EPB41L4B: variants seen among roughly 807,000 people sequenced by gnomAD.
The protein encoded by EPB41L4B is erythrocyte membrane protein band 4.1 like 4B.
Under a neutral mutation model 112.5 loss-of-function variants are expected in EPB41L4B, and 30 were observed. That is an observed-to-expected ratio of 0.27 (90% CI 0.20 to 0.36). The LOEUF (loss-of-function observed/expected upper bound fraction) is 0.36, where lower values mean the gene tolerates loss of function less well. Ranked by LOEUF, EPB41L4B falls within the 10% of genes least tolerant of loss-of-function variation. EPB41L4B has a pLI of 1.00. For synonymous variants in EPB41L4B, 408 were observed against 439.7 expected (o/e 0.93, Z 0.90); for missense variants, 1,024 against 1,133.3 (o/e 0.90, Z 1.38).
chr9:109,241,176 T>C (rs914266849), intron 15 of EPB41L4B: 6 of 985,678 alleles, frequency 6.1e-6, no homozygotes, highest in Middle Eastern at 5.2e-4. Flanking sequence ...GGAAAGGACC[T>C]TGGAGATCAC....
In EPB41L4B at chr9:109,320,129, C is replaced by T; in HGVS notation, c.306+12G>A. On this transcript the variant is annotated intron_variant, in intron 1 of 25. Coordinates refer to ENST00000374566, the MANE Select transcript of EPB41L4B (RefSeq NM_019114.5). ...CGAGGTGCCAGTGCCCCAGACTGGC[C>T]CCGTCACTCACCGGCAGGTCCACGC... The T allele has an allele frequency of 1.4e-6, 2 of 1,447,154 alleles. No individual in the cohort carries two copies. Among genetic ancestry groups the T allele is most frequent in the Non-Finnish European group, 9.1e-7 (1 of 1,095,996 alleles). 89.6% of individuals were successfully genotyped at this position (1,447,154 alleles called of 1,614,324 possible).
chr9:109,248,768 T>C (rs1381474267), intron 13 of EPB41L4B, among the ~76,000 whole-genome samples: 1 of 151,982 alleles, frequency 6.6e-6, no homozygotes, highest in African/African-American at 2.4e-5. Context: ...ATGCTAAATA[T>C]ATATATATAG....
chr9:109,181,967 G>A (rs1832075454), intron 24 of EPB41L4B, among the ~76,000 whole-genome samples: 1 of 152,242 alleles, frequency 6.6e-6, no homozygotes, highest in Admixed American at 6.5e-5. Flanking sequence ...CCAACACTTT[G>A]GGAGGCTGAG....
At chr9:109,235,143 C>T (rs1048251014) in intron 15 of EPB41L4B, among the ~76,000 whole-genome samples, 1 of 152,102 alleles carries the variant, frequency 6.6e-6, no homozygotes, top group African/African-American at 2.4e-5. Flanking sequence ...CCACATTCTG[C>T]CTGGACAGTT....
At chr9:109,296,451 A>T (rs1836732111) in intron 1 of EPB41L4B, among the ~76,000 whole-genome samples, 2 of 152,242 alleles carry the variant, frequency 1.3e-5, no homozygotes, top group South Asian at 4.1e-4. Context: ...TTTGATGTCC[A>T]GTAAATTTCT....
intron 18 of EPB41L4B, among the ~76,000 whole-genome samples, chr9:109,205,139 T>C (rs1269836952): frequency 1.3e-5 from 2 of 152,222 alleles, no homozygotes; most frequent in African/African-American, 4.8e-5. Flanking sequence ...ACTGGGACTG[T>C]CCCATGGGAT....
At chr9:109,263,876 T>C (rs1256941297) in intron 5 of EPB41L4B, among the ~76,000 whole-genome samples, 1 of 152,244 alleles carries the variant, frequency 6.6e-6, no homozygotes, top group Non-Finnish European at 1.5e-5. Context: ...TGTTGGGACT[T>C]GAACACCATT....
intron 1 of EPB41L4B, chr9:109,307,378 G>C (rs984975870): frequency 1.9e-5 from 7 of 365,030 alleles, no homozygotes; most frequent in Non-Finnish European, 3.7e-5. Flanking sequence ...TAAATTTCCT[G>C]CTCTCCCATT....
At chr9:109,213,851 A>G (rs1369518680) in intron 16 of EPB41L4B, 33 bp from the exon 17 acceptor site, 1 of 1,589,028 alleles carries the variant, frequency 6.3e-7, no homozygotes, top group Non-Finnish European at 8.6e-7. Context: ...AAATAAGGAA[A>G]GGTTGAAAGG....
chr9:109,275,634 T>C (rs780183120), intron 2 of EPB41L4B, among the ~76,000 whole-genome samples: 1 of 152,170 alleles, frequency 6.6e-6, no homozygotes, highest in Non-Finnish European at 1.5e-5. Context: ...AGGAGACCCA[T>C]ATCCACGTCC....
chr9:109,302,725 T>A (rs547446614), intron 1 of EPB41L4B, among the ~76,000 whole-genome samples: 1 of 152,140 alleles, frequency 6.6e-6, no homozygotes, highest in Admixed American at 6.5e-5. Context: ...TTCGGTCCTA[T>A]GACGAGTCAT....
At chr9:109,270,780 T>C (rs1325940420) in intron 2 of EPB41L4B, among the ~76,000 whole-genome samples, 1 of 152,210 alleles carries the variant, frequency 6.6e-6, no homozygotes, top group Non-Finnish European at 1.5e-5. Flanking sequence ...CAAAGTCTCA[T>C]CTTTAGCCAA....
At chr9:109,217,247 T>G in intron 15 of EPB41L4B, 102 bp from the exon 16 acceptor site, 1 of 972,710 alleles carries the variant, frequency 1.0e-6, no homozygotes, top group Non-Finnish European at 1.6e-6. Context: ...CTGAAAGAAA[T>G]AAACTCAAAA....
intron 12 of EPB41L4B, among the ~76,000 whole-genome samples, chr9:109,252,363 T>C (rs1300696558): frequency 6.6e-6 from 1 of 152,166 alleles, no homozygotes; most frequent in Non-Finnish European, 1.5e-5. Flanking sequence ...TTCTGGCCCC[T>C]TCCTCCCGGG....
intron 16 of EPB41L4B, among the ~76,000 whole-genome samples, chr9:109,214,180 T>C (rs375097894): frequency 1.3e-5 from 2 of 152,220 alleles, no homozygotes; most frequent in African/African-American, 4.8e-5. Flanking sequence ...TTATGCAAAT[T>C]GGAAAGATTA....
chr9:109,292,679 T>C (rs1363580731), intron 1 of EPB41L4B, among the ~76,000 whole-genome samples: 1 of 152,214 alleles, frequency 6.6e-6, no homozygotes, highest in Middle Eastern at 3.2e-3. Flanking sequence ...ATTATTCTTT[T>C]AAACTGTGGA....
intron 18 of EPB41L4B, among the ~76,000 whole-genome samples, chr9:109,206,084 A>G (rs1832983287): frequency 6.6e-6 from 1 of 152,260 alleles, no homozygotes. Flanking sequence ...CTGAGTATTT[A>G]CTTTACCCTT....
At chr9:109,309,615 C>A (rs1274937384) in intron 1 of EPB41L4B, among the ~76,000 whole-genome samples, 1 of 152,102 alleles carries the variant, frequency 6.6e-6, no homozygotes, top group East Asian at 1.9e-4. Flanking sequence ...GACACTCAAC[C>A]CTGGCCAGAT....
rs1831705462 is a variant in EPB41L4B, at chr9:109,173,607, T to C, written c.*947A>G. ...GGCCGAGAAGTAAAACAAAGGAGAA[T>C]GTACACAACGATCATAGCTATGTAA... On this transcript the variant is annotated 3_prime_UTR_variant, in exon 26 of 26. Coordinates refer to ENST00000374566, the MANE Select transcript of EPB41L4B (RefSeq NM_019114.5). The C allele has an allele frequency of 1.3e-5, 2 of 152,654 alleles. No homozygotes were observed. The highest frequency in any genetic ancestry group is 1.3e-4 in the Admixed American group (2 of 15,300). 9.5% of individuals were successfully genotyped at this position (152,654 alleles called of 1,614,324 possible).
Sources: gnomAD v4.1 joint callset for allele counts (sites outside exome capture counted in the v4.1 genomes callset) on GRCh38, gnomAD v4.1.1 for gene constraint, MANE v1.5 for transcripts, NCBI Gene and HGNC (gene_info 2026-07-23, HGNC 2026-07-21) for gene names.